NBEA: variants seen among roughly 807,000 people sequenced by gnomAD.
NBEA encodes neurobeachin, also known as lysosomal-trafficking regulator 2.
NBEA carries 44 observed loss-of-function variants against 343.4 expected under a neutral mutation model. The ratio of observed to expected loss-of-function variants is 0.13; its 90% CI spans 0.10 to 0.16. The LOEUF (loss-of-function observed/expected upper bound fraction) is 0.16, where lower values mean the gene tolerates loss of function less well. Among genes scored for constraint, NBEA ranks in the 10% least tolerant of loss-of-function variants. The pLI, the probability that NBEA is intolerant of heterozygous loss-of-function variation, is 1.00. For missense variants in NBEA, 2,555 were observed against 3,631.3 expected (o/e 0.70, Z 7.62); for synonymous variants, 1,175 against 1,238.7 (o/e 0.95, Z 1.08).
intron 1 of NBEA, among the ~76,000 whole-genome samples, chr13:34,995,819 A>G (rs886083591): frequency 4.6e-5 from 7 of 152,216 alleles, no homozygotes; most frequent in African/African-American, 1.4e-4. Flanking sequence ...GTCCAAATCA[A>G]TGGCCTCCTG....
At chr13:35,423,700 G>A (rs1361672004) in intron 38 of NBEA, among the ~76,000 whole-genome samples, 1 of 152,142 alleles carries the variant, frequency 6.6e-6, no homozygotes, top group African/African-American at 2.4e-5. Flanking sequence ...GTTATTGGTA[G>A]CTTGATGGGG....
chr13:35,200,005 A>G (rs2072906047), intron 31 of NBEA, among the ~76,000 whole-genome samples: 2 of 152,194 alleles, frequency 1.3e-5, no homozygotes, highest in African/African-American at 4.8e-5. Context: ...ACTGTTCTAT[A>G]ATGAGCAAAC....
chr13:35,496,505 ACACCTGTG>A (rs1342745864), intron 41 of NBEA, among the ~76,000 whole-genome samples: 1 of 151,548 alleles, frequency 6.6e-6, no homozygotes, highest in African/African-American at 2.4e-5. Context: ...ATAGTGGTGC[ACACCTGTG>A]GTCCCAGCTA....
At chr13:35,061,747 G>A (rs1295104156) in intron 8 of NBEA, among the ~76,000 whole-genome samples, 1 of 151,678 alleles carries the variant, frequency 6.6e-6, no homozygotes, top group East Asian at 1.9e-4. Flanking sequence ...TCCAATACTT[G>A]TATGGAGGGG....
chr13:35,319,561 T>C (rs942305914), intron 36 of NBEA, among the ~76,000 whole-genome samples: 1 of 152,216 alleles, frequency 6.6e-6, no homozygotes, highest in African/African-American at 2.4e-5. Context: ...GAGAAAAATA[T>C]ATATTCTATT....
intron 41 of NBEA, chr13:35,475,396 T>C (rs2075818716): frequency 6.2e-7 from 1 of 1,613,822 alleles, no homozygotes; most frequent in East Asian, 2.2e-5. Flanking sequence ...GAGGCACTTC[T>C]TTCTGCAGCC....
At chr13:35,395,984 C>T (rs954197675) in intron 38 of NBEA, among the ~76,000 whole-genome samples, 5 of 151,956 alleles carry the variant, frequency 3.3e-5, no homozygotes, top group African/African-American at 1.2e-4. Flanking sequence ...TATTTATATG[C>T]TTTTCTATTC....
chr13:35,490,960 T>C (rs1434427265), intron 41 of NBEA, among the ~76,000 whole-genome samples: 1 of 151,962 alleles, frequency 6.6e-6, no homozygotes, highest in Non-Finnish European at 1.5e-5. Flanking sequence ...TCTTGTCATC[T>C]GTAGAACAGG....
chr13:35,525,339 G>A (rs1382099114), intron 41 of NBEA, among the ~76,000 whole-genome samples: 1 of 152,118 alleles, frequency 6.6e-6, no homozygotes, highest in Non-Finnish European at 1.5e-5. Flanking sequence ...ACCACCTGAG[G>A]TCAGGAGTTT....
At chr13:35,085,736 A>G (rs1229323361) in intron 10 of NBEA, among the ~76,000 whole-genome samples, 1 of 152,150 alleles carries the variant, frequency 6.6e-6, no homozygotes, top group East Asian at 1.9e-4. Flanking sequence ...TGGCCAGGGC[A>G]ATCAGGCAGG....
intron 1 of NBEA, among the ~76,000 whole-genome samples, chr13:34,991,142 C>A (rs2060736424): frequency 6.6e-6 from 1 of 152,160 alleles, no homozygotes; most frequent in Non-Finnish European, 1.5e-5. Flanking sequence ...CCTTGGTCTT[C>A]CTGTCTTATG....
chr13:35,142,950 T>C (rs1566355760), intron 18 of NBEA, among the ~76,000 whole-genome samples: 1 of 152,230 alleles, frequency 6.6e-6, no homozygotes, highest in South Asian at 2.1e-4. Flanking sequence ...GTGGCTACTT[T>C]CATTTTTAAA....
chr13:35,156,288 C>T (rs2069168995), intron 20 of NBEA, 82 bp downstream of exon 20: 4 of 1,339,744 alleles, frequency 3.0e-6, no homozygotes, highest in South Asian at 1.5e-5. Flanking sequence ...CATTTCAAAT[C>T]TTTTCCATAT....
chr13:35,567,640 C>T (rs567809658), intron 45 of NBEA, among the ~76,000 whole-genome samples: 4 of 152,204 alleles, frequency 2.6e-5, no homozygotes, highest in African/African-American at 9.6e-5. Flanking sequence ...TCTAAGCTTA[C>T]GCCAGAGGCC....
At chr13:35,018,329 G>A (rs905015664) in intron 1 of NBEA, among the ~76,000 whole-genome samples, 6 of 152,074 alleles carry the variant, frequency 3.9e-5, no homozygotes, top group Non-Finnish European at 8.8e-5. Context: ...AGATGAATTT[G>A]GAAGACCAAG....
chr13:35,550,885 T>C (rs2079286612), intron 42 of NBEA, 45 bp from the exon 43 acceptor site: 3 of 1,222,846 alleles, frequency 2.5e-6, no homozygotes, highest in African/African-American at 3.0e-5. Context: ...ATGGCTAACT[T>C]ATCCTGCGGT....
In NBEA at chr13:35,583,991, A is replaced by G. The variant is rs771527432; in HGVS notation, c.7129A>G (p.Thr2377Ala). ...TCAAAGCCCACCCTACCATTATAAT[A>G]CCCATTATTCAACAGCAACATCTAC... Reference protein sequence around the residue: ...DDQSPPYHYNTHYSTATSTLS... With the variant: ...DDQSPPYHYNAHYSTATSTLS... The change falls in exon 46 of 59, where the codon ACC (threonine) becomes GCC (alanine). Residue 2377 changes from threonine to alanine, a missense_variant. Coordinates refer to ENST00000379939, the MANE Select transcript of NBEA (RefSeq NM_001385012.1). 1 of 1,613,502 alleles carries G rather than the reference A, an allele frequency of 6.2e-7. No individual in the cohort carries two copies. The highest frequency in any genetic ancestry group is 8.5e-7 in the Non-Finnish European group (1 of 1,179,524).
intron 13 of NBEA, among the ~76,000 whole-genome samples, chr13:35,111,892 A>C (rs1420038008): frequency 1.3e-5 from 2 of 150,136 alleles, no homozygotes; most frequent in Non-Finnish European, 3.0e-5. Context: ...AATCCCGTTG[A>C]TAAGGAAAAA....
chr13:35,310,169 C>T lies in NBEA; in HGVS notation c.5903+577C>T, dbSNP rs540071966. 1.2e-4 allele frequency among the ~76,000 whole-genome samples: 18 copies of T among 152,002 alleles called. No individual in the cohort carries two copies. The East Asian group carries it at 3.3e-3, about 28-fold the overall frequency. Reference sequence around the variant, plus strand: ...TAGCAATTTCACTGAAAGGAAGAAACTACAGAATGCACGGTTTCAGAAAGC... The same window carrying T: ...TAGCAATTTCACTGAAAGGAAGAAATTACAGAATGCACGGTTTCAGAAAGC... On this transcript the variant is annotated intron_variant, in intron 36 of 58. Coordinates refer to ENST00000379939, the MANE Select transcript of NBEA (RefSeq NM_001385012.1).
Sources: allele counts gnomAD v4.1 joint callset (sites outside exome capture counted in the v4.1 genomes callset), GRCh38; gene constraint gnomAD v4.1.1; transcripts MANE v1.5; gene names NCBI Gene and HGNC (gene_info 2026-07-23, HGNC 2026-07-21).